Variants in PKD1L1 observed in about 807,000 individuals in gnomAD.
PKD1L1 encodes the protein polycystin 1 like 1, transient receptor potential channel interacting.
PKD1L1 carries 236 observed loss-of-function variants against 323.4 expected under a neutral mutation model. That is an observed-to-expected ratio of 0.73 (90% CI 0.66 to 0.81). The LOEUF (loss-of-function observed/expected upper bound fraction) is 0.81. Ranked by LOEUF, PKD1L1 falls within the 40% of genes least tolerant of loss-of-function variation. The pLI, the probability that PKD1L1 is intolerant of heterozygous loss-of-function variation, is 0.00. For synonymous variants in PKD1L1, 1,344 were observed against 1,335.0 expected (o/e 1.01, Z -0.15); for missense variants, 3,320 against 3,508.0 (o/e 0.95, Z 1.35).
intron 3 of PKD1L1, among the ~76,000 whole-genome samples, chr7:47,939,878 G>GCA (rs1787947993): frequency 6.7e-6 from 1 of 149,554 alleles, no homozygotes; most frequent in East Asian, 2.0e-4. Context: ...CTTCCCACCT[G>GCA]GGAGGCAGCC....
intron 43 of PKD1L1, 134 bp downstream of exon 43, chr7:47,829,906 G>T: frequency 2.3e-6 from 2 of 882,474 alleles, no homozygotes; most frequent in South Asian, 1.4e-5. Context: ...CCTGGCTCCT[G>T]GTTCTCTCCA....
At chr7:47,864,610 TTC>T (rs1409620054) in intron 26 of PKD1L1, among the ~76,000 whole-genome samples, 2 of 138,776 alleles carry the variant, frequency 1.4e-5, no homozygotes, top group Non-Finnish European at 3.1e-5. Flanking sequence ...CTTTCTTTCT[TTC>T]TTTCTTTCTT....
intron 55 of PKD1L1, among the ~76,000 whole-genome samples, chr7:47,795,059 CT>C (rs1215122761): frequency 6.6e-6 from 1 of 152,104 alleles, no homozygotes; most frequent in Non-Finnish European, 1.5e-5. Flanking sequence ...GGACTGTGGA[CT>C]TTTGGGTTAA....
In PKD1L1 at chr7:47,839,338, A is replaced by G. The variant is rs1785519942; in HGVS notation, c.5769+108T>C. The G allele has an allele frequency of 1.3e-6, 1 of 793,434 alleles. No homozygotes were observed. The highest frequency in any genetic ancestry group is 1.7e-5 in the African/African-American group (1 of 57,476). 49.1% of individuals were successfully genotyped at this position (793,434 alleles called of 1,614,324 possible). Reference sequence around the variant, plus strand: ...TAATTAACTAAGAAAAGAGGAATACACTTTAGAAGAGTTCAAAGACACAAC... The same window carrying G: ...TAATTAACTAAGAAAAGAGGAATACGCTTTAGAAGAGTTCAAAGACACAAC... On this transcript the variant is annotated intron_variant, in intron 36 of 56. Transcript: ENST00000289672. The surrounding 1 kb of genome is among the most constrained non-coding windows in gnomAD (Gnocchi z 4.3).
intron 7 of PKD1L1, among the ~76,000 whole-genome samples, chr7:47,919,342 C>G (rs758940530): frequency 6.6e-6 from 1 of 151,968 alleles, no homozygotes. Context: ...TTAGATACCA[C>G]GAACAGACCA....
intron 20 of PKD1L1, among the ~76,000 whole-genome samples, chr7:47,881,657 T>C (rs962284116): frequency 6.6e-6 from 1 of 152,170 alleles, no homozygotes; most frequent in Non-Finnish European, 1.5e-5. Context: ...GCACAGAACG[T>C]GCAGCACTTG....
intron 56 of PKD1L1, 80 bp from the exon 57 acceptor site, chr7:47,775,246 C>A: frequency 6.4e-7 from 1 of 1,559,350 alleles, no homozygotes; most frequent in Non-Finnish European, 8.8e-7. Flanking sequence ...AGAAAGGCAG[C>A]AAGTGCTGAT....
intron 24 of PKD1L1, among the ~76,000 whole-genome samples, chr7:47,872,307 A>G (rs1786298904): frequency 1.3e-5 from 2 of 152,206 alleles, no homozygotes; most frequent in Admixed American, 1.3e-4. Context: ...TCTAAAACTC[A>G]TATGGAAATA....
chr7:47,823,509 T>C (rs140733757), intron 45 of PKD1L1, among the ~76,000 whole-genome samples: 230 of 152,352 alleles, frequency 1.5e-3, no homozygotes, highest in African/African-American at 5.3e-3. Context: ...TCCAGGGTGA[T>C]ATCAACATAC....
intron 21 of PKD1L1, among the ~76,000 whole-genome samples, chr7:47,880,066 G>T (rs1004057529): frequency 6.6e-6 from 1 of 150,934 alleles, no homozygotes; most frequent in Non-Finnish European, 1.5e-5. Context: ...GCATGGAAAC[G>T]CAAGAAGGAA....
chr7:47,958,957 G>A, the PKD1L1 span, among the ~76,000 whole-genome samples: 2 of 152,226 alleles, frequency 1.3e-5, no homozygotes, highest in Admixed American at 6.5e-5. Context: ...GAGTGCCTGC[G>A]ATTGCAGGCG....
intron 19 of PKD1L1, among the ~76,000 whole-genome samples, chr7:47,883,935 G>A (rs182311929): frequency 1.4e-4 from 21 of 152,266 alleles, no homozygotes; most frequent in African/African-American, 5.1e-4. Context: ...CTGTTCATTC[G>A]ATAGATGAAT....
chr7:47,845,054 A>G lies in PKD1L1; in HGVS notation c.5178T>C (p.Ala1726=). ...TGGCCTTCAGCTTTCTCCTTAGGAG[A>G]GCGAATGCCGCGAGGCGATGGTAGC... is the stretch of plus-strand genomic sequence containing the variant. ...NCSYHRLAAF[A]LLRRKLKASF... The change falls in exon 33 of 57, where the codon GCT becomes GCC. Residue 1726 remains alanine, a synonymous_variant. Coordinates refer to ENST00000289672, the MANE Select transcript of PKD1L1 (RefSeq NM_138295.5). The G allele has an allele frequency of 6.2e-7, 1 of 1,613,858 alleles. No homozygotes were observed. The highest frequency in any genetic ancestry group is 8.5e-7 in the Non-Finnish European group (1 of 1,179,934).
intron 48 of PKD1L1, chr7:47,813,522 G>A (rs1277044657): frequency 1.4e-6 from 1 of 696,962 alleles, no homozygotes; most frequent in Non-Finnish European, 2.6e-6. Flanking sequence ...GCTGTGTATG[G>A]TTCTAAGGCT....
intron 56 of PKD1L1, among the ~76,000 whole-genome samples, chr7:47,777,615 T>A (rs1786598724): frequency 6.6e-6 from 1 of 152,176 alleles, no homozygotes; most frequent in African/African-American, 2.4e-5. Flanking sequence ...GGGGCTGCAT[T>A]AGTGTAAGTA....
At chr7:47,832,839 G>C (rs962856152) in intron 41 of PKD1L1, among the ~76,000 whole-genome samples, 21 of 152,326 alleles carry the variant, frequency 1.4e-4, no homozygotes, top group East Asian at 7.7e-4. Context: ...ACTTTAAAAA[G>C]GTTATGAGTG....
At chr7:47,959,735 G>A in the PKD1L1 span, among the ~76,000 whole-genome samples, 20 of 139,212 alleles carry the variant, frequency 1.4e-4, no homozygotes, top group South Asian at 4.6e-4. Flanking sequence ...CGCCCCGTCC[G>A]GGAGGGAGGT....
intron 49 of PKD1L1, among the ~76,000 whole-genome samples, chr7:47,812,570 G>A (rs1784923973): frequency 6.6e-6 from 1 of 152,178 alleles, no homozygotes. Context: ...GACCATCCGT[G>A]TTACCACTGG....
In PKD1L1 at chr7:47,796,830, C is replaced by CAA. The variant is rs71006525; in HGVS notation, c.8194-682_8194-681dup. 1.3e-4 allele frequency among the ~76,000 whole-genome samples: 17 copies of CAA among 133,630 alleles called. No individual in the cohort carries two copies. The South Asian group carries it at 1.7e-3, about 13-fold the overall frequency. The allele number at this position is 133,630 out of a possible 152,430, so 87.7% of individuals were successfully genotyped here. Reference sequence around the variant, plus strand: ...GTGAAACCCTGTCTCTCCTAAATTACAAAAAAAAAAAAAAAAAAAATTAGC... The same window carrying CAA: ...GTGAAACCCTGTCTCTCCTAAATTACAAAAAAAAAAAAAAAAAAAAAATTAGC... On this transcript the variant is annotated intron_variant, in intron 54 of 56. Coordinates refer to ENST00000289672, the MANE Select transcript of PKD1L1 (RefSeq NM_138295.5).
Sources: allele counts gnomAD v4.1 joint callset (sites outside exome capture counted in the v4.1 genomes callset), GRCh38; gene constraint gnomAD v4.1.1; non-coding constraint Gnocchi (gnomAD v3.1); transcripts MANE v1.5; gene names NCBI Gene and HGNC (gene_info 2026-07-23, HGNC 2026-07-21).